ZDHHC2: variants seen among roughly 807,000 people sequenced by gnomAD.
ZDHHC2 encodes the protein zDHHC palmitoyltransferase 2.
ZDHHC2 carries 51 observed loss-of-function variants against 55.6 expected under a neutral mutation model. That is an observed-to-expected ratio of 0.92 (90% CI 0.73 to 1.16). The LOEUF is 1.16. Ranked by LOEUF, ZDHHC2 falls within the 50% of genes most tolerant of loss-of-function variation. The probability of loss-of-function intolerance (pLI) is 0.00; values close to 1 mark genes in which losing one functional copy is unlikely to be tolerated. For missense variants in ZDHHC2, 491 were observed against 442.4 expected (o/e 1.11, Z -0.99); for synonymous variants, 199 against 152.9 (o/e 1.30, Z -2.22).
intron 1 of ZDHHC2, among the ~76,000 whole-genome samples, chr8:17,164,886 G>GACATGGAGTAAGGGTGAGT (rs1171587538): frequency 6.6e-6 from 1 of 152,162 alleles, no homozygotes; most frequent in Non-Finnish European, 1.5e-5. Context: ...AAGGGTATGT[G>GACATGGAGTAAGGGTGAGT]ACATGGAGTA....
At chr8:17,198,355 G>A (rs994882839) in intron 5 of ZDHHC2, 26 bp from the exon 6 acceptor site, 1 of 1,592,380 alleles carries the variant, frequency 6.3e-7, no homozygotes, top group African/African-American at 1.3e-5. Flanking sequence ...GGGGTATTAG[G>A]TTTTGTGTTC....
Position 17,221,577 on chromosome 8 carries a change from A to G in ZDHHC2, c.*1356A>G, listed in dbSNP as rs1420597830. ...TAATAAACTTTTCAAAATCTTTGTTAAACCAAACATTCAACACAAAATAAA... is the reference window on the plus strand; with the variant it reads ...TAATAAACTTTTCAAAATCTTTGTTGAACCAAACATTCAACACAAAATAAA... On this transcript the variant is annotated 3_prime_UTR_variant, in exon 13 of 13. Coordinates refer to ENST00000262096, the MANE Select transcript of ZDHHC2 (RefSeq NM_016353.5). 6.6e-6 allele frequency: 1 copy of G among 152,548 alleles called. No individual in the cohort carries two copies. The highest frequency in any genetic ancestry group is 1.9e-4 in the East Asian group (1 of 5,190). 9.4% of individuals were successfully genotyped at this position (152,548 alleles called of 1,614,324 possible). A position where few individuals can be genotyped will look rare whatever the true frequency, so the allele number is the denominator to read the frequency against.
intron 3 of ZDHHC2, among the ~76,000 whole-genome samples, chr8:17,191,433 G>A (rs999758411): frequency 2.0e-5 from 3 of 152,104 alleles, no homozygotes; most frequent in Admixed American, 1.3e-4. Flanking sequence ...TTTTGTTACC[G>A]TTAACTTTCC....
At chr8:17,203,130 G>C (rs1806894202) in intron 6 of ZDHHC2, among the ~76,000 whole-genome samples, 1 of 141,014 alleles carries the variant, frequency 7.1e-6, no homozygotes, top group Non-Finnish European at 1.5e-5. Flanking sequence ...TGAAATCTTG[G>C]CTCACTGCAG....
At chr8:17,174,640 C>A (rs1805036567) in intron 1 of ZDHHC2, among the ~76,000 whole-genome samples, 1 of 151,556 alleles carries the variant, frequency 6.6e-6, no homozygotes, top group African/African-American at 2.4e-5. Context: ...TAAGAGACTT[C>A]CCATATCTTG....
In ZDHHC2 at chr8:17,199,509, T is replaced by TTCTTCTTCTTCATCTTCG. The variant is rs1297662337; in HGVS notation, c.476+1101_476+1102insTTCTTCATCTTCGTCTTC. Among the ~76,000 whole-genome samples the TTCTTCTTCTTCATCTTCG allele has an allele frequency of 6.7e-4, 81 of 121,204 alleles. 3 individuals are homozygous for TTCTTCTTCTTCATCTTCG. The highest frequency in any genetic ancestry group is 2.6e-3 in the African/African-American group (70 of 27,330). 79.5% of individuals were successfully genotyped at this position (121,204 alleles called of 152,430 possible). ...CTTCTTCTTCTTCTTCTTCTTCTTC[T>TTCTTCTTCTTCATCTTCG]TCTTCGTCTTCGTCTTCGTCTTCTG... On this transcript the variant is annotated intron_variant, in intron 6 of 12. Transcript: ENST00000262096.
At chr8:17,171,222 ATACAACTCTATC>A (rs1804836787) in intron 1 of ZDHHC2, among the ~76,000 whole-genome samples, 2 of 152,216 alleles carry the variant, frequency 1.3e-5, no homozygotes, top group African/African-American at 4.8e-5. Context: ...GGAAACACCC[ATACAACTCTATC>A]TAAACAGGAG....
intron 3 of ZDHHC2, among the ~76,000 whole-genome samples, chr8:17,188,240 A>C (rs1805823940): frequency 6.6e-6 from 1 of 152,136 alleles, no homozygotes; most frequent in Non-Finnish European, 1.5e-5. Flanking sequence ...CCAGAACCCC[A>C]CAAAACTTCA....
chr8:17,158,395 T>C (rs535540042), intron 1 of ZDHHC2, among the ~76,000 whole-genome samples: 4 of 152,330 alleles, frequency 2.6e-5, no homozygotes, highest in African/African-American at 9.6e-5. Context: ...ATTATCAAAA[T>C]AGCCTATTCT....
intron 1 of ZDHHC2, among the ~76,000 whole-genome samples, chr8:17,180,144 T>G (rs1057077391): frequency 6.6e-6 from 1 of 152,172 alleles, no homozygotes; most frequent in Non-Finnish European, 1.5e-5. Flanking sequence ...TTGGGGTGAT[T>G]ATAAGATTTA....
chr8:17,207,445 A>G (rs1314052393), intron 7 of ZDHHC2, among the ~76,000 whole-genome samples: 1 of 152,182 alleles, frequency 6.6e-6, no homozygotes, highest in Non-Finnish European at 1.5e-5. Context: ...AGCTTGAAGC[A>G]TTATTGTGAA....
intron 3 of ZDHHC2, among the ~76,000 whole-genome samples, chr8:17,187,456 G>A (rs1388143102): frequency 6.6e-6 from 1 of 152,044 alleles, no homozygotes; most frequent in African/African-American, 2.4e-5. Context: ...GAAGTAATCA[G>A]TTTGAAATGC....
chr8:17,167,784 A>G lies in ZDHHC2; in HGVS notation c.130+10931A>G, dbSNP rs865882239. On this transcript the variant is annotated intron_variant, in intron 1 of 12. Coordinates refer to ENST00000262096, the MANE Select transcript of ZDHHC2 (RefSeq NM_016353.5). ...ATATCCTCATATATCTATAATAAAAATAATAAATAAGAACAATTTAGAATG... is the reference window on the plus strand; with the variant it reads ...ATATCCTCATATATCTATAATAAAAGTAATAAATAAGAACAATTTAGAATG... Among the ~76,000 whole-genome samples, 29 of 152,304 alleles carry G rather than the reference A, an allele frequency of 1.9e-4. No homozygotes were observed. The Middle Eastern group carries it at 0.01, about 54-fold the overall frequency.
chr8:17,204,080 A>G (rs1209627104), intron 6 of ZDHHC2, among the ~76,000 whole-genome samples: 1 of 152,216 alleles, frequency 6.6e-6, no homozygotes, highest in East Asian at 1.9e-4. Context: ...TGCTGGGATT[A>G]CAGGTGTGAG....
intron 1 of ZDHHC2, 85 bp downstream of exon 1, chr8:17,156,938 C>A: frequency 7.7e-7 from 1 of 1,298,144 alleles, no homozygotes; most frequent in Non-Finnish European, 1.0e-6. Flanking sequence ...CCTCCGCTCT[C>A]GCCCCCCGGA....
chr8:17,200,252 G>C (rs1806683577), intron 6 of ZDHHC2, among the ~76,000 whole-genome samples: 1 of 152,218 alleles, frequency 6.6e-6, no homozygotes, highest in South Asian at 2.1e-4. Flanking sequence ...TACCTGGGTA[G>C]TTTCGTTCAG....
intron 3 of ZDHHC2, among the ~76,000 whole-genome samples, chr8:17,191,803 C>T (rs1319329843): frequency 6.6e-6 from 1 of 152,154 alleles, no homozygotes; most frequent in Non-Finnish European, 1.5e-5. Context: ...ATCTCTTTAA[C>T]ATACTTGTTT....
chr8:17,205,729 T>G lies in ZDHHC2; in HGVS notation c.551T>G (p.Leu184Arg). Residue 184 changes from leucine (L) to arginine (R), a missense_variant, in exon 7 of 13, where the codon CTT (leucine) becomes CGT (arginine). Physicochemically the swap from Leu to Arg is moderately radical, Grantham distance 102. Coordinates refer to ENST00000262096, the MANE Select transcript of ZDHHC2 (RefSeq NM_016353.5). ...TTGGCTTATTCTCTGCTCTACTGCC[T>G]TTTTATTGCGGCAACAGATTTACAG... ...LFLAYSLLYCLFIAATDLQYF... is the reference protein window; with the variant it reads ...LFLAYSLLYCRFIAATDLQYF... 6.2e-7 allele frequency: 1 copy of G among 1,609,872 alleles called. No homozygotes were observed. The highest frequency in any genetic ancestry group is 2.2e-5 in the East Asian group (1 of 44,744).
intron 11 of ZDHHC2, among the ~76,000 whole-genome samples, 174 bp downstream of exon 11, chr8:17,215,523 G>C (rs1244724896): frequency 6.6e-6 from 1 of 152,142 alleles, no homozygotes; most frequent in Admixed American, 6.6e-5. Flanking sequence ...TTAATAACCT[G>C]TTAGCAGCAG....
Sources: gnomAD v4.1 joint callset for allele counts (sites outside exome capture counted in the v4.1 genomes callset) on GRCh38, gnomAD v4.1.1 for gene constraint, MANE v1.5 for transcripts, NCBI Gene and HGNC (gene_info 2026-07-23, HGNC 2026-07-21) for gene names.